The following GAB2 variants were observed in gnomAD, a reference collection of about 807,000 sequenced individuals.
The protein encoded by GAB2 is GRB2-associated-binding protein 2.
A neutral mutation model predicts 65.5 loss-of-function variants in GAB2; 26 were observed. The ratio of observed to expected loss-of-function variants is 0.40; its 90% CI spans 0.29 to 0.55. The LOEUF (loss-of-function observed/expected upper bound fraction) is 0.55, where lower values mean the gene tolerates loss of function less well. Ranked by LOEUF, GAB2 falls within the 20% of genes least tolerant of loss-of-function variation. The probability of loss-of-function intolerance (pLI) is 0.53; values close to 1 mark genes in which losing one functional copy is unlikely to be tolerated. For synonymous variants in GAB2, 321 were observed against 329.6 expected (o/e 0.97, Z 0.28); for missense variants, 884 against 875.8 (o/e 1.01, Z -0.12).
At chr11:78,377,464 T>TCA (rs1291931985) in intron 1 of GAB2, among the ~76,000 whole-genome samples, 10 of 152,142 alleles carry the variant, frequency 6.6e-5, no homozygotes, top group African/African-American at 2.2e-4. Flanking sequence ...CCAAATTCTA[T>TCA]CACACTGGGG....
chr11:78,344,199 A>G (rs771255207), intron 1 of GAB2, among the ~76,000 whole-genome samples: 4 of 152,230 alleles, frequency 2.6e-5, no homozygotes, highest in South Asian at 2.1e-4. Flanking sequence ...TCAGGATTTC[A>G]ATGAAGGCCT....
chr11:78,261,634 G>A (rs1865735532), intron 2 of GAB2, among the ~76,000 whole-genome samples: 1 of 152,102 alleles, frequency 6.6e-6, no homozygotes. Flanking sequence ...TTGGTTAGTT[G>A]GTCCCATCAA....
intron 3 of GAB2, among the ~76,000 whole-genome samples, chr11:78,245,178 T>G (rs568905076): frequency 6.6e-6 from 1 of 152,140 alleles, no homozygotes; most frequent in African/African-American, 2.4e-5. Flanking sequence ...TGGGGAGTTG[T>G]TGAATGGTTA....
chr11:78,335,505 C>A (rs1457722031), intron 1 of GAB2, among the ~76,000 whole-genome samples: 1 of 152,168 alleles, frequency 6.6e-6, no homozygotes, highest in African/African-American at 2.4e-5. Flanking sequence ...ACTGTCTTTC[C>A]TCCAGTGTGT....
chr11:78,355,680 T>TAAA (rs67850407), intron 1 of GAB2, among the ~76,000 whole-genome samples: 3,107 of 79,080 alleles, frequency 0.039, 325 homozygotes, highest in African/African-American at 0.16. Context: ...CTGTCTCACT[T>TAAA]AAAAAAAAAA....
At chr11:78,329,236 G>C (rs945194687) in intron 1 of GAB2, among the ~76,000 whole-genome samples, 2 of 152,132 alleles carry the variant, frequency 1.3e-5, no homozygotes, top group African/African-American at 4.8e-5. Context: ...GGGGTTTTGT[G>C]TCTGGGTTGC....
At chr11:78,249,771 G>C (rs902151195) in intron 3 of GAB2, among the ~76,000 whole-genome samples, 6 of 152,118 alleles carry the variant, frequency 3.9e-5, no homozygotes, top group African/African-American at 1.4e-4. Flanking sequence ...TGCAGTTCTA[G>C]AGCAAAAGCA....
intron 2 of GAB2, among the ~76,000 whole-genome samples, chr11:78,260,473 A>AT (rs1452672084): frequency 6.8e-6 from 1 of 146,174 alleles, no homozygotes; most frequent in Non-Finnish European, 1.5e-5. Flanking sequence ...TGCCTTCTAA[A>AT]TCTTTTTTTT....
chr11:78,247,430 A>C (rs1038442572), intron 3 of GAB2, among the ~76,000 whole-genome samples: 4 of 152,210 alleles, frequency 2.6e-5, no homozygotes, highest in African/African-American at 7.2e-5. Flanking sequence ...AGATTAAAAA[A>C]TTAACATAAT....
intron 1 of GAB2, among the ~76,000 whole-genome samples, chr11:78,410,605 A>G (rs1477974878): frequency 6.6e-6 from 1 of 152,278 alleles, no homozygotes; most frequent in Non-Finnish European, 1.5e-5. Context: ...AGACACTGAA[A>G]GCATAATACA....
intron 1 of GAB2, among the ~76,000 whole-genome samples, chr11:78,336,328 A>C (rs1855999370): frequency 6.6e-5 from 2 of 30,442 alleles, no homozygotes; most frequent in African/African-American, 3.3e-4. Flanking sequence ...CTGTCTCTCA[A>C]AAAAAAAAAA....
intron 1 of GAB2, among the ~76,000 whole-genome samples, chr11:78,416,851 G>A (rs1417864513): frequency 6.6e-6 from 1 of 150,838 alleles, no homozygotes; most frequent in Non-Finnish European, 1.5e-5. Context: ...CAGGCTGCCA[G>A]TTCCCCACCT....
In GAB2 at chr11:78,349,573, G is replaced by A. The variant is rs114712183; in HGVS notation, c.75+68073C>T. 8.7e-3 allele frequency among the ~76,000 whole-genome samples: 1,326 copies of A among 152,234 alleles called. 20 individuals carry two copies. Among genetic ancestry groups the A allele is most frequent in the African/African-American group, 0.03 (1,262 of 41,526 alleles). The stretch of plus-strand genomic sequence containing the variant: ...TGCTATTATTCCCTACAGTGCTTAG[G>A]GCATCCTCAGAAAGGAAAAGCCCTG... On this transcript the variant is annotated intron_variant, in intron 1 of 9. Coordinates refer to ENST00000361507, the MANE Select transcript of GAB2 (RefSeq NM_080491.3).
Position 78,276,140 on chromosome 11 carries a change from G to A in GAB2, c.376+4461C>T, listed in dbSNP as rs1363595212. ...AAAAAAAAAAAAAAGAAGAAGAAAA[G>A]AATATATTTCCTAGCCAGGAGCCGT... On this transcript the variant is annotated intron_variant, in intron 2 of 9. Transcript: ENST00000361507. Among the ~76,000 whole-genome samples, 32 of 149,274 alleles carry A rather than the reference G, an allele frequency of 2.1e-4. No homozygotes were observed. The South Asian group carries it at 6.9e-3, about 32-fold the overall frequency.
chr11:78,373,872 C>G (rs2134731018), intron 1 of GAB2, among the ~76,000 whole-genome samples: 1 of 152,254 alleles, frequency 6.6e-6, no homozygotes, highest in East Asian at 1.9e-4. Context: ...TCCTCTAAAA[C>G]AAGGTTCTTT....
rs59307063 is a variant in GAB2, at chr11:78,319,871, CTTT to C, written c.76-38973_76-38971del. ...TCTGGCAGAGATATAAAGAAACAGA[CTTT>C]TTTTTTTTTTTGAGACCGAGTCTTG... On this transcript the variant is annotated intron_variant, in intron 1 of 9. Coordinates refer to ENST00000361507, the MANE Select transcript of GAB2 (RefSeq NM_080491.3). 8.9e-5 allele frequency among the ~76,000 whole-genome samples: 13 copies of C among 145,776 alleles called. No individual in the cohort carries two copies. In the East Asian group the frequency reaches 2.0e-3, roughly 23 times the overall value.
intron 1 of GAB2, among the ~76,000 whole-genome samples, chr11:78,314,100 G>A (rs1403914571): frequency 6.6e-6 from 1 of 152,220 alleles, no homozygotes; most frequent in Non-Finnish European, 1.5e-5. Flanking sequence ...AGGAGGGGAA[G>A]TAAAGGAACC....
chr11:78,353,126 C>T (rs1856305448), intron 1 of GAB2, among the ~76,000 whole-genome samples: 1 of 152,160 alleles, frequency 6.6e-6, no homozygotes, highest in Non-Finnish European at 1.5e-5. Context: ...AGCCCTACCC[C>T]AGATCTACTG....
At chr11:78,233,909 C>T (rs1864917630) in intron 3 of GAB2, among the ~76,000 whole-genome samples, 1 of 152,180 alleles carries the variant, frequency 6.6e-6, no homozygotes, top group South Asian at 2.1e-4. Flanking sequence ...CCACGCCCAG[C>T]CCATTTTCTT....
Sources: allele counts gnomAD v4.1 joint callset (sites outside exome capture counted in the v4.1 genomes callset), GRCh38; gene constraint gnomAD v4.1.1; transcripts MANE v1.5; gene names NCBI Gene and HGNC (gene_info 2026-07-23, HGNC 2026-07-21).